The following CNTNAP2 variants were observed in gnomAD, a reference collection of about 807,000 sequenced individuals.
CNTNAP2 encodes the protein contactin-associated protein-like 2.
CNTNAP2 carries 98 observed loss-of-function variants against 155.2 expected under a neutral mutation model. The observed-to-expected ratio is 0.63, with a 90% CI of 0.54 to 0.75. The LOEUF (loss-of-function observed/expected upper bound fraction) is 0.75. Ranked by LOEUF, CNTNAP2 falls within the 30% of genes least tolerant of loss-of-function variation. The pLI is 0.00. For synonymous variants in CNTNAP2, 651 were observed against 631.2 expected, an observed-to-expected ratio of 1.03 and a Z score of -0.47; for missense variants, 1,727 against 1,688.1, an observed-to-expected ratio of 1.02 and a Z score of -0.40.
chr7:147,539,922 C>A (rs948058124), intron 11 of CNTNAP2, among the ~76,000 whole-genome samples: 1 of 152,148 alleles, frequency 6.6e-6, no homozygotes, highest in Non-Finnish European at 1.5e-5. Flanking sequence ...ACTGTTAACT[C>A]TCTCATGTCC....
chr7:146,494,264 G>A (rs1314498748), intron 1 of CNTNAP2, among the ~76,000 whole-genome samples: 1 of 151,940 alleles, frequency 6.6e-6, no homozygotes, highest in Admixed American at 6.6e-5. Flanking sequence ...AATCCGGGAG[G>A]CGGAGTTTGT....
intron 13 of CNTNAP2, among the ~76,000 whole-genome samples, chr7:147,882,138 A>G (rs947354767): frequency 1.1e-4 from 16 of 152,350 alleles, no homozygotes; most frequent in South Asian, 4.1e-4. Flanking sequence ...TTCTGAAAAC[A>G]TAATCAGAAA....
At chr7:147,279,997 C>T (rs1461764911) in intron 8 of CNTNAP2, among the ~76,000 whole-genome samples, 3 of 151,888 alleles carry the variant, frequency 2.0e-5, no homozygotes, top group Non-Finnish European at 4.4e-5. Flanking sequence ...TTCAAGTCTA[C>T]ATGTAAAGTG....
intron 13 of CNTNAP2, among the ~76,000 whole-genome samples, chr7:147,642,875 T>C (rs1795303388): frequency 6.6e-6 from 1 of 152,212 alleles, no homozygotes; most frequent in African/African-American, 2.4e-5. Flanking sequence ...TTGGTTCACA[T>C]AGGATTTGTA....
At chr7:147,900,085 A>G (rs1424550347) in intron 13 of CNTNAP2, among the ~76,000 whole-genome samples, 1 of 152,068 alleles carries the variant, frequency 6.6e-6, no homozygotes. Flanking sequence ...TCCCCATCTT[A>G]ATAGACTTCA....
At chr7:146,536,776 T>G (rs1371755819) in intron 1 of CNTNAP2, among the ~76,000 whole-genome samples, 5 of 152,122 alleles carry the variant, frequency 3.3e-5, no homozygotes, top group Admixed American at 3.3e-4. Context: ...GTCACATTCA[T>G]TAGACGCTGT....
intron 1 of CNTNAP2, among the ~76,000 whole-genome samples, chr7:146,570,958 A>T (rs1029856076): frequency 6.6e-6 from 1 of 152,168 alleles, no homozygotes; most frequent in Admixed American, 6.5e-5. Context: ...ATAAGAAAAT[A>T]CTTAGGTTCC....
intron 1 of CNTNAP2, among the ~76,000 whole-genome samples, chr7:146,263,785 C>T (rs1799955430): frequency 6.6e-6 from 1 of 152,144 alleles, no homozygotes; most frequent in South Asian, 2.1e-4. Context: ...CCTCTAAGTG[C>T]AAGTATAAAG....
At chr7:147,974,452 C>T (rs2116859532) in intron 14 of CNTNAP2, among the ~76,000 whole-genome samples, 2 of 152,202 alleles carry the variant, frequency 1.3e-5, no homozygotes, top group Middle Eastern at 6.8e-3. Context: ...TGGTAAAACC[C>T]TGTCTCTACT....
intron 1 of CNTNAP2, among the ~76,000 whole-genome samples, chr7:146,484,198 G>A (rs28507444): frequency 0.032 from 4,911 of 152,180 alleles, 256 homozygotes; most frequent in African/African-American, 0.11. Context: ...GTCTAGGTGC[G>A]TAGTGGTGTG....
rs1798752823 is a variant in CNTNAP2, at chr7:148,365,968, GTGTGTATGCATGTATA to G, written c.3476-17680_3476-17665del. On this transcript the variant is annotated intron_variant, in intron 21 of 23. Transcript: ENST00000361727. ...TACATGCGTGTATGCATGTATACAT[GTGTGTATGCATGTATA>G]CATGTGTGTATGCATGTATGCATGT... Among the ~76,000 whole-genome samples the G allele has an allele frequency of 1.6e-3, 4 of 2,484 alleles. 2 individuals carry two copies. Among genetic ancestry groups the G allele is most frequent in the African/African-American group, 2.1e-3 (4 of 1,898 alleles). 1.6% of individuals were successfully genotyped at this position (2,484 alleles called of 152,430 possible).
At chr7:146,306,983 C>G (rs943496162) in intron 1 of CNTNAP2, among the ~76,000 whole-genome samples, 1 of 152,080 alleles carries the variant, frequency 6.6e-6, no homozygotes, top group African/African-American at 2.4e-5. Flanking sequence ...CTGGCCAGGG[C>G]AATCAGGCAA....
At chr7:147,801,861 C>T (rs960629443) in intron 13 of CNTNAP2, among the ~76,000 whole-genome samples, 139 of 150,054 alleles carry the variant, frequency 9.3e-4, no homozygotes, top group Non-Finnish European at 1.7e-3. Flanking sequence ...ACGGGGGGGG[C>T]GGCCGGGCAG....
At chr7:148,358,564 TA>T (rs1357763840) in intron 21 of CNTNAP2, among the ~76,000 whole-genome samples, 1 of 152,118 alleles carries the variant, frequency 6.6e-6, no homozygotes, top group African/African-American at 2.4e-5. Context: ...TAGAGAGAGG[TA>T]GCACCTGTAG....
chr7:148,118,548 A>T (rs1436299853), intron 16 of CNTNAP2, among the ~76,000 whole-genome samples: 1 of 152,154 alleles, frequency 6.6e-6, no homozygotes, highest in African/African-American at 2.4e-5. Flanking sequence ...CGCCCTGAGA[A>T]TGTGGGAGAG....
chr7:146,228,495 A>G (rs1799331592), intron 1 of CNTNAP2, among the ~76,000 whole-genome samples: 1 of 152,226 alleles, frequency 6.6e-6, no homozygotes, highest in Non-Finnish European at 1.5e-5. Context: ...AGCAGATTGT[A>G]AATACTATGT....
chr7:148,408,134 A>G (rs1799746652), intron 22 of CNTNAP2, among the ~76,000 whole-genome samples: 1 of 152,106 alleles, frequency 6.6e-6, no homozygotes, highest in African/African-American at 2.4e-5. Flanking sequence ...AATCCCAGCT[A>G]CTTGGGAGGC....
intron 3 of CNTNAP2, among the ~76,000 whole-genome samples, chr7:147,031,981 G>A (rs934446314): frequency 6.6e-6 from 1 of 152,150 alleles, no homozygotes; most frequent in Admixed American, 6.5e-5. Flanking sequence ...GGTGAGGAGT[G>A]GCATTAATTG....
In CNTNAP2 at chr7:147,108,331, G is replaced by T. The variant is rs748094405; in HGVS notation, c.735G>T (p.Leu245=). The T allele has an allele frequency of 1.9e-6, 3 of 1,613,238 alleles. No homozygotes were observed. Among genetic ancestry groups the T allele is most frequent in the Non-Finnish European group, 8.5e-7 (1 of 1,179,578 alleles). Residue 245 remains leucine, a synonymous_variant, in exon 5 of 24, where the codon CTG becomes CTT. Transcript: ENST00000361727. ...YITLELKKAK[L]VLSLNLGSNQ... is the part of the protein sequence containing the mutation. ...CCTTGGAACTGAAAAAAGCCAAGCT[G>T]GTCCTCAGTTTAAACTTAGGTGTGT...
Sources: allele counts gnomAD v4.1 joint callset (sites outside exome capture counted in the v4.1 genomes callset), GRCh38; gene constraint gnomAD v4.1.1; transcripts MANE v1.5; gene names NCBI Gene and HGNC (gene_info 2026-07-23, HGNC 2026-07-21).